TRAPPC9: variants seen among roughly 807,000 people sequenced by gnomAD.
The protein encoded by TRAPPC9 is IKK2 binding protein.
A neutral mutation model predicts 124.0 loss-of-function variants in TRAPPC9; 83 were observed. The observed-to-expected ratio is 0.67, with a 90% CI of 0.56 to 0.80. The LOEUF is 0.80. Among genes scored for constraint, TRAPPC9 ranks in the 30% least tolerant of loss-of-function variants. TRAPPC9 has a pLI of 0.00. For missense variants in TRAPPC9, 1,302 were observed against 1,508.3 expected (o/e 0.86, Z 2.27); for synonymous variants, 638 against 617.5 (o/e 1.03, Z -0.49).
At chr8:140,005,002 G>A (rs1838653850) in intron 18 of TRAPPC9, among the ~76,000 whole-genome samples, 1 of 152,178 alleles carries the variant, frequency 6.6e-6, no homozygotes, top group African/African-American at 2.4e-5. Context: ...ATATGAGACT[G>A]GAGAGCTTTT....
intron 17 of TRAPPC9, among the ~76,000 whole-genome samples, chr8:140,061,968 C>T (rs1391354432): frequency 6.6e-6 from 1 of 152,244 alleles, no homozygotes; most frequent in East Asian, 1.9e-4. Context: ...ACATTTACAA[C>T]TGCAAATCAA....
intron 17 of TRAPPC9, among the ~76,000 whole-genome samples, chr8:140,119,301 G>A (rs1236181473): frequency 6.6e-6 from 1 of 152,224 alleles, no homozygotes; most frequent in East Asian, 1.9e-4. Context: ...TCAGGATGAT[G>A]AATTGGCTAA....
At chr8:140,001,245 G>A (rs978919027) in intron 18 of TRAPPC9, among the ~76,000 whole-genome samples, 1 of 152,092 alleles carries the variant, frequency 6.6e-6, no homozygotes, top group African/African-American at 2.4e-5. Flanking sequence ...ACACCAGGGG[G>A]GTGAGGGGCT....
intron 15 of TRAPPC9, among the ~76,000 whole-genome samples, chr8:140,254,039 T>C (rs1259770160): frequency 6.6e-6 from 1 of 152,074 alleles, no homozygotes; most frequent in Non-Finnish European, 1.5e-5. Flanking sequence ...GAAGGGGACA[T>C]GGGGAGGCCA....
chr8:140,328,370 T>G (rs1474688326), intron 9 of TRAPPC9, among the ~76,000 whole-genome samples: 1 of 152,146 alleles, frequency 6.6e-6, no homozygotes, highest in Non-Finnish European at 1.5e-5. Context: ...AATACGTACA[T>G]GATCAATCGT....
rs774257540 is a variant in TRAPPC9, at chr8:140,371,087, C to T, written c.1228G>A (p.Val410Met). 3 of 1,614,088 alleles carry T rather than the reference C, an allele frequency of 1.9e-6. No individual in the cohort carries two copies. The highest frequency in any genetic ancestry group is 2.2e-5 in the East Asian group (1 of 44,902). The change falls in exon 8 of 23, where the codon GTG (valine) becomes ATG (methionine). Residue 410 changes from valine to methionine, a missense_variant. Val to Met is a conservative substitution (Grantham distance 21). Around this residue, in one of 3 missense-constraint regions of TRAPPC9, gnomAD observed 657 missense variants for 811.2 expected, o/e 0.81. Transcript: ENST00000438773. ...GGGGCCACGCACTGCATGGCGGCCA[C>T]GCGCTTGAAGAACGCAGACTTGCGA... ...FHRKSAFFKR[V>M]AAMQCVAPSI...
chr8:140,406,957 T>C (rs1411359914), intron 5 of TRAPPC9, among the ~76,000 whole-genome samples: 3 of 152,310 alleles, frequency 2.0e-5, no homozygotes, highest in Non-Finnish European at 4.4e-5. Flanking sequence ...GGGTAGAGAA[T>C]TGAGAACTCC....
chr8:140,114,541 T>C (rs1031957054), intron 17 of TRAPPC9, among the ~76,000 whole-genome samples: 1 of 152,172 alleles, frequency 6.6e-6, no homozygotes, highest in African/African-American at 2.4e-5. Context: ...TGGCACCTGA[T>C]GGTAAAATCT....
intron 21 of TRAPPC9, among the ~76,000 whole-genome samples, chr8:139,771,529 G>T (rs772807424): frequency 6.6e-6 from 1 of 152,178 alleles, no homozygotes; most frequent in Non-Finnish European, 1.5e-5. Flanking sequence ...GGTAGGTTTT[G>T]AAATAAAAAA....
intron 9 of TRAPPC9, among the ~76,000 whole-genome samples, chr8:140,326,117 T>A (rs1319457976): frequency 6.6e-6 from 1 of 151,746 alleles, no homozygotes; most frequent in Non-Finnish European, 1.5e-5. Flanking sequence ...CCAGGCGCAG[T>A]GGCTCATGCC....
intron 9 of TRAPPC9, among the ~76,000 whole-genome samples, chr8:140,340,057 C>T (rs552928608): frequency 9.9e-5 from 15 of 152,124 alleles, no homozygotes; most frequent in South Asian, 2.1e-4. Flanking sequence ...ATGTTGGCCA[C>T]GCTGGTCTCG....
chr8:140,434,709 G>A (rs976338542), intron 4 of TRAPPC9, among the ~76,000 whole-genome samples: 1 of 152,162 alleles, frequency 6.6e-6, no homozygotes, highest in South Asian at 2.1e-4. Context: ...GGTGGCTCAC[G>A]CCTGTAATCC....
At chr8:140,062,267 C>T (rs149292123) in intron 17 of TRAPPC9, among the ~76,000 whole-genome samples, 129 of 152,300 alleles carry the variant, frequency 8.5e-4, no homozygotes, top group African/African-American at 3.0e-3. Flanking sequence ...TCCCCTCCTC[C>T]GAGATCTCTG....
At chr8:140,392,462 C>A (rs749852991) in intron 7 of TRAPPC9, among the ~76,000 whole-genome samples, 1 of 152,234 alleles carries the variant, frequency 6.6e-6, no homozygotes, top group Non-Finnish European at 1.5e-5. Context: ...AGAACATGTT[C>A]TTTTCCTTGG....
At chr8:139,917,162 A>ATTTTCTT (rs1832192130) in intron 19 of TRAPPC9, among the ~76,000 whole-genome samples, 13 of 70,952 alleles carry the variant, frequency 1.8e-4, no homozygotes, top group African/African-American at 8.3e-4. Context: ...CTTCATTATT[A>ATTTTCTT]TTTTCTTTTT....
intron 21 of TRAPPC9, among the ~76,000 whole-genome samples, chr8:139,811,145 C>T (rs112232862): frequency 5.3e-5 from 8 of 151,918 alleles, no homozygotes; most frequent in African/African-American, 4.8e-5. Flanking sequence ...CCAGCCATTA[C>T]AAAAGAACAA....
At position 139,907,203 on chromosome 8, in the gene TRAPPC9, C is replaced by T. The variant is rs955650666; in HGVS notation, c.2964+2944G>A. Among the ~76,000 whole-genome samples, 17 of 152,100 alleles carry T rather than the reference C, an allele frequency of 1.1e-4. No individual in the cohort carries two copies. The highest frequency in any genetic ancestry group is 1.7e-4 in the African/African-American group (7 of 41,424). ...CTCCCGGCAGCCCTGGGCTGCCCAT[C>T]GTGTCACCGTAGCTGCTTCATAGAC... On this transcript the variant is annotated intron_variant, in intron 20 of 22. Transcript: ENST00000438773. The surrounding 1 kb of genome is among the most constrained non-coding windows in gnomAD (Gnocchi z 4.7).
At chr8:140,030,937 C>T (rs1397766909) in intron 17 of TRAPPC9, among the ~76,000 whole-genome samples, 1 of 152,074 alleles carries the variant, frequency 6.6e-6, no homozygotes, top group Non-Finnish European at 1.5e-5. Flanking sequence ...GTGGTGGTTA[C>T]ATGGAGTATA....
At chr8:140,387,899 A>G (rs191422987) in intron 7 of TRAPPC9, among the ~76,000 whole-genome samples, 2 of 152,278 alleles carry the variant, frequency 1.3e-5, no homozygotes, top group East Asian at 1.9e-4. Flanking sequence ...ATTATAAGTC[A>G]TGCTGCTATA....
Sources: allele counts gnomAD v4.1 joint callset (sites outside exome capture counted in the v4.1 genomes callset), GRCh38; gene constraint gnomAD v4.1.1; regional missense constraint gnomAD v4.1.1; non-coding constraint Gnocchi (gnomAD v3.1); transcripts MANE v1.5; gene names NCBI Gene and HGNC (gene_info 2026-07-23, HGNC 2026-07-21).